The following RARB variants were observed in gnomAD, a reference collection of about 807,000 sequenced individuals.
The protein encoded by RARB is HBV-activated protein.
Under a neutral mutation model 51.9 loss-of-function variants are expected in RARB, and 17 were observed. That is an observed-to-expected ratio of 0.33 (90% CI 0.22 to 0.49). The LOEUF is 0.49. Ranked by LOEUF, RARB falls within the 20% of genes least tolerant of loss-of-function variation. The probability of loss-of-function intolerance (pLI) is 0.99; values close to 1 mark genes in which losing one functional copy is unlikely to be tolerated. For missense variants in RARB, 369 were observed against 550.8 expected, an observed-to-expected ratio of 0.67 and a Z score of 3.30; for synonymous variants, 215 against 195.4, an observed-to-expected ratio of 1.10 and a Z score of -0.84.
intron 2 of RARB, among the ~76,000 whole-genome samples, chr3:25,469,485 C>T (rs1278371393): frequency 6.6e-6 from 1 of 152,172 alleles, no homozygotes; most frequent in Non-Finnish European, 1.5e-5. Flanking sequence ...AAACAGGACA[C>T]TCTGTGTACC....
At chr3:24,830,800 A>C (rs910114794) in intron 1 of RARB, among the ~76,000 whole-genome samples, 2 of 152,008 alleles carry the variant, frequency 1.3e-5, no homozygotes, top group African/African-American at 4.8e-5. Context: ...GCGGAGGATA[A>C]GAAACCGAAT....
chr3:25,463,422 T>A (rs1695280561), intron 2 of RARB, among the ~76,000 whole-genome samples: 1 of 152,002 alleles, frequency 6.6e-6, no homozygotes. Flanking sequence ...CCCAGCACTT[T>A]GGGAGGTCAA....
intron 2 of RARB, among the ~76,000 whole-genome samples, chr3:25,475,643 A>G (rs998930356): frequency 6.6e-6 from 1 of 152,184 alleles, no homozygotes; most frequent in African/African-American, 2.4e-5. Context: ...GGATGTGGGT[A>G]AATGTTTGTT....
intron 2 of RARB, among the ~76,000 whole-genome samples, chr3:25,007,164 C>T (rs1174025795): frequency 6.6e-6 from 1 of 152,086 alleles, no homozygotes; most frequent in Non-Finnish European, 1.5e-5. Context: ...AAACTTACAG[C>T]AAAGAAAAAG....
At chr3:25,240,803 TTG>T (rs897271204) in intron 5 of RARB, among the ~76,000 whole-genome samples, 7 of 152,142 alleles carry the variant, frequency 4.6e-5, no homozygotes, top group Admixed American at 1.3e-4. Flanking sequence ...TTTTTTGTTG[TTG>T]TGTCTTTGTC....
At chr3:24,836,169 G>C (rs531535649) in intron 1 of RARB, among the ~76,000 whole-genome samples, 1 of 152,314 alleles carries the variant, frequency 6.6e-6, no homozygotes, top group Non-Finnish European at 1.5e-5. Context: ...TTGTGTAAAG[G>C]AAATGAACCT....
intron 5 of RARB, among the ~76,000 whole-genome samples, chr3:25,322,630 CAT>C (rs1033185135): frequency 1.3e-5 from 2 of 152,102 alleles, no homozygotes; most frequent in African/African-American, 4.8e-5. Context: ...ATTTTATAAT[CAT>C]ATTTTTATAA....
chr3:25,038,625 C>G (rs575521780), intron 2 of RARB, among the ~76,000 whole-genome samples: 1 of 152,042 alleles, frequency 6.6e-6, no homozygotes, highest in African/African-American at 2.4e-5. Flanking sequence ...ACACACAGTT[C>G]TGCTGAAGAA....
At chr3:24,946,826 C>G (rs537258555) in intron 2 of RARB, among the ~76,000 whole-genome samples, 101 of 152,114 alleles carry the variant, frequency 6.6e-4, no homozygotes, top group Non-Finnish European at 1.3e-3. Context: ...GACATTGCTC[C>G]TGCATTCCAG....
intron 2 of RARB, among the ~76,000 whole-genome samples, chr3:25,037,026 T>A (rs1475569316): frequency 1.3e-5 from 2 of 152,202 alleles, no homozygotes; most frequent in African/African-American, 2.4e-5. Context: ...TTACTGCTGG[T>A]TCCAAAAGAG....
chr3:25,495,638 T>C (rs767148778), intron 2 of RARB, among the ~76,000 whole-genome samples: 3 of 152,212 alleles, frequency 2.0e-5, no homozygotes, highest in Non-Finnish European at 2.9e-5. Flanking sequence ...CTCAGTTCTT[T>C]GGTAACAGCA....
intron 5 of RARB, among the ~76,000 whole-genome samples, chr3:25,270,382 A>T (rs1015719368): frequency 1.3e-5 from 2 of 152,212 alleles, no homozygotes; most frequent in African/African-American, 4.8e-5. Flanking sequence ...AGACACAAAA[A>T]GACAAATAGT....
chr3:25,418,944 C>CAAAAA (rs36025962), intron 5 of RARB, among the ~76,000 whole-genome samples: 1 of 108,608 alleles, frequency 9.2e-6, no homozygotes, highest in Admixed American at 9.7e-5. Flanking sequence ...ACAGACTAAC[C>CAAAAA]AAAAAAAAAA....
At chr3:25,306,539 AG>A (rs1378985773) in intron 5 of RARB, among the ~76,000 whole-genome samples, 1 of 152,014 alleles carries the variant, frequency 6.6e-6, no homozygotes. Flanking sequence ...AGAAGAAGAA[AG>A]GAGGAAAGAA....
intron 3 of RARB, among the ~76,000 whole-genome samples, chr3:25,566,122 C>G (rs1246239440): frequency 1.3e-5 from 2 of 152,224 alleles, no homozygotes; most frequent in East Asian, 3.9e-4. Context: ...TTCTTGTGCA[C>G]TGTGTCACCT....
intron 4 of RARB, among the ~76,000 whole-genome samples, chr3:25,159,095 A>G (rs1700429273): frequency 6.6e-6 from 1 of 151,238 alleles, no homozygotes; most frequent in Non-Finnish European, 1.5e-5. Context: ...GAATATAGTA[A>G]TGTCTCTGCC....
intron 2 of RARB, among the ~76,000 whole-genome samples, chr3:25,026,795 C>G (rs1159499449): frequency 6.6e-6 from 1 of 152,142 alleles, no homozygotes; most frequent in Non-Finnish European, 1.5e-5. Flanking sequence ...CCCACCTTAT[C>G]TAATTTCAGG....
chr3:25,224,950 T>C (rs943248168), intron 5 of RARB, among the ~76,000 whole-genome samples: 1 of 152,146 alleles, frequency 6.6e-6, no homozygotes, highest in Non-Finnish European at 1.5e-5. Context: ...TTCACAGGAT[T>C]TGTATTCAGA....
chr3:24,917,921 G>C (rs1048925479), intron 2 of RARB, among the ~76,000 whole-genome samples: 8 of 152,160 alleles, frequency 5.3e-5, no homozygotes, highest in African/African-American at 1.7e-4. Context: ...TGAAGATGTA[G>C]GTAATCTGGA....
Sources: allele counts gnomAD v4.1 joint callset (sites outside exome capture counted in the v4.1 genomes callset), GRCh38; gene constraint gnomAD v4.1.1; transcripts MANE v1.5; gene names NCBI Gene and HGNC (gene_info 2026-07-23, HGNC 2026-07-21).